Variants in PSMD14 observed in about 807,000 individuals in gnomAD.
PSMD14 encodes ubiquitin C-terminal hydrolase PSMD14.
PSMD14 carries 7 observed loss-of-function variants against 41.2 expected under a neutral mutation model. That is an observed-to-expected ratio of 0.17 (90% CI 0.10 to 0.32). The LOEUF is 0.32. Ranked by LOEUF, PSMD14 falls within the 10% of genes least tolerant of loss-of-function variation. The pLI, the probability that PSMD14 is intolerant of heterozygous loss-of-function variation, is 1.00. For missense variants in PSMD14, 139 were observed against 375.6 expected (o/e 0.37, Z 5.21); for synonymous variants, 114 against 122.3 (o/e 0.93, Z 0.45).
chr2:161,312,391 C>T (rs1043658663), intron 1 of PSMD14, among the ~76,000 whole-genome samples: 4 of 152,000 alleles, frequency 2.6e-5, no homozygotes, highest in Non-Finnish European at 5.9e-5. Flanking sequence ...TGATCTGCCC[C>T]CCTCGGCCTC....
At chr2:161,363,930 G>A (rs1352800166) in intron 3 of PSMD14, among the ~76,000 whole-genome samples, 1 of 152,192 alleles carries the variant, frequency 6.6e-6, no homozygotes, top group African/African-American at 2.4e-5. Flanking sequence ...GCTTGTGTTA[G>A]ACAGCTCAAT....
intron 3 of PSMD14, among the ~76,000 whole-genome samples, chr2:161,347,934 A>T (rs1574125083): frequency 6.6e-6 from 1 of 152,198 alleles, no homozygotes; most frequent in Non-Finnish European, 1.5e-5. Flanking sequence ...ACGGCTTGGG[A>T]AAGTTTTATC....
intron 3 of PSMD14, chr2:161,340,739 G>C: frequency 6.2e-7 from 1 of 1,608,154 alleles, no homozygotes; most frequent in Non-Finnish European, 8.5e-7. Flanking sequence ...TCCTCTCTGG[G>C]GTTTCCATTT....
chr2:161,367,919 GT>G lies in PSMD14; in HGVS notation c.240+18del, dbSNP rs1016406556. 6.2e-7 allele frequency: 1 copy of G among 1,604,442 alleles called. No homozygotes were observed. Among genetic ancestry groups the G allele is most frequent in the African/African-American group, 1.3e-5 (1 of 74,742 alleles). ...GTCAGGAACAGTGAGTACTTTTATG[GT>G]TGCCTGCTGCAAGTAAATGTGTTTC... On this transcript the variant is annotated intron_variant, in intron 5 of 11. Coordinates refer to ENST00000409682, the MANE Select transcript of PSMD14 (RefSeq NM_005805.6).
chr2:161,393,971 A>ATTTTTT (rs11452254), intron 9 of PSMD14, among the ~76,000 whole-genome samples: 3 of 100,892 alleles, frequency 3.0e-5, no homozygotes, highest in African/African-American at 3.9e-5. Context: ...ACACTAGATA[A>ATTTTTT]TTTTTTTTTT....
chr2:161,405,747 A>G (rs1023850063), intron 10 of PSMD14, among the ~76,000 whole-genome samples: 4 of 152,190 alleles, frequency 2.6e-5, no homozygotes, highest in Admixed American at 6.5e-5. Flanking sequence ...ATGCCATTTT[A>G]GCAGTTTGTG....
intron 3 of PSMD14, among the ~76,000 whole-genome samples, chr2:161,336,255 A>G (rs147812990): frequency 6.6e-6 from 1 of 152,230 alleles, no homozygotes; most frequent in Admixed American, 6.5e-5. Flanking sequence ...TTTTATATCA[A>G]CTGGCAAAAT....
intron 3 of PSMD14, among the ~76,000 whole-genome samples, chr2:161,364,038 ATGAGTGCAAGGTTTTAT>A (rs1683325630): frequency 6.6e-6 from 1 of 152,082 alleles, no homozygotes; most frequent in Non-Finnish European, 1.5e-5. Context: ...GGGCTTGGAG[ATGAGTGCAAGGTTTTAT>A]TGAGTGAAAG....
intron 10 of PSMD14, among the ~76,000 whole-genome samples, chr2:161,399,737 A>G (rs914788583): frequency 6.6e-6 from 1 of 152,202 alleles, no homozygotes; most frequent in Admixed American, 6.5e-5. Context: ...TTTAAATAAA[A>G]AAGAATTTTT....
At chr2:161,368,358 CT>C (rs1683386941) in intron 5 of PSMD14, among the ~76,000 whole-genome samples, 1 of 151,980 alleles carries the variant, frequency 6.6e-6, no homozygotes, top group Non-Finnish European at 1.5e-5. Flanking sequence ...ACTTTTTAAG[CT>C]TTTCTTATTT....
At chr2:161,371,433 C>A in intron 7 of PSMD14, 111 bp downstream of exon 7, 1 of 1,142,860 alleles carries the variant, frequency 8.7e-7, no homozygotes, top group Non-Finnish European at 1.2e-6. Flanking sequence ...CAGAAAGCTG[C>A]TGTCTGTTTA....
intron 10 of PSMD14, among the ~76,000 whole-genome samples, chr2:161,400,861 A>G (rs1368785117): frequency 6.7e-6 from 1 of 148,378 alleles, no homozygotes; most frequent in Non-Finnish European, 1.5e-5. Context: ...GAAATATTGA[A>G]AAAAAAAAAC....
At chr2:161,360,687 C>A (rs894058800) in intron 3 of PSMD14, among the ~76,000 whole-genome samples, 4 of 152,040 alleles carry the variant, frequency 2.6e-5, no homozygotes, top group Non-Finnish European at 4.4e-5. Flanking sequence ...CAAGTACATG[C>A]CACCACACCT....
intron 8 of PSMD14, among the ~76,000 whole-genome samples, chr2:161,390,217 GT>G (rs1274891850): frequency 6.6e-6 from 1 of 152,046 alleles, no homozygotes; most frequent in African/African-American, 2.4e-5. Flanking sequence ...AGTTAGAGAA[GT>G]GGTGGTTATT....
chr2:161,310,276 ATAT>A (rs1404710507), intron 1 of PSMD14, among the ~76,000 whole-genome samples: 2 of 152,242 alleles, frequency 1.3e-5, no homozygotes, highest in African/African-American at 4.8e-5. Context: ...AAGTCAATAA[ATAT>A]TATTGCTGTT....
intron 3 of PSMD14, among the ~76,000 whole-genome samples, chr2:161,333,409 G>T (rs567330803): frequency 4.1e-4 from 62 of 152,252 alleles, no homozygotes; most frequent in African/African-American, 1.4e-3. Flanking sequence ...CAAATTCATG[G>T]CCCATGTCAC....
intron 3 of PSMD14, among the ~76,000 whole-genome samples, chr2:161,366,387 AACAC>A (rs36202166): frequency 0.046 from 6,785 of 148,080 alleles, 437 homozygotes; most frequent in African/African-American, 0.14. Flanking sequence ...AATAGAATTT[AACAC>A]ACACACACAC....
At chr2:161,312,788 A>G (rs1438812696) in intron 1 of PSMD14, among the ~76,000 whole-genome samples, 1 of 152,172 alleles carries the variant, frequency 6.6e-6, no homozygotes, top group African/African-American at 2.4e-5. Context: ...GTTCCCTTTT[A>G]TGTTAAGTAT....
chr2:161,352,643 TC>T (rs1683136208), intron 3 of PSMD14, among the ~76,000 whole-genome samples: 1 of 152,172 alleles, frequency 6.6e-6, no homozygotes, highest in South Asian at 2.1e-4. Context: ...TATTTTTTCT[TC>T]CTTTTTTTCA....
Sources: allele counts gnomAD v4.1 joint callset (sites outside exome capture counted in the v4.1 genomes callset), GRCh38; gene constraint gnomAD v4.1.1; transcripts MANE v1.5; gene names NCBI Gene and HGNC (gene_info 2026-07-23, HGNC 2026-07-21).